ADARB2: variants seen among roughly 807,000 people sequenced by gnomAD.
The protein encoded by ADARB2 is inactive double-stranded RNA-specific editase B2.
ADARB2 carries 25 observed loss-of-function variants against 62.2 expected under a neutral mutation model. The observed-to-expected ratio is 0.40, with a 90% CI of 0.29 to 0.56. The LOEUF (loss-of-function observed/expected upper bound fraction) is 0.56. Among genes scored for constraint, ADARB2 ranks in the 20% least tolerant of loss-of-function variants. The probability of loss-of-function intolerance (pLI) is 0.43; values close to 1 mark genes in which losing one functional copy is unlikely to be tolerated. For missense variants in ADARB2, 1,071 were observed against 1,077.4 expected (o/e 0.99, Z 0.08); for synonymous variants, 572 against 500.8 (o/e 1.14, Z -1.90).
At chr10:1,629,505 G>A (rs564827970) in intron 1 of ADARB2, among the ~76,000 whole-genome samples, 4 of 126,076 alleles carry the variant, frequency 3.2e-5, no homozygotes, top group East Asian at 2.2e-4. Context: ...TCCCCACTGC[G>A]CCCAACACCA....
intron 8 of ADARB2, chr10:1,199,678 A>T (rs989691981): frequency 1.4e-5 from 5 of 348,140 alleles, no homozygotes; most frequent in Non-Finnish European, 2.6e-5. Context: ...CTCTTGGGTG[A>T]GCCCAACACT....
chr10:1,526,212 G>T (rs1832139626), intron 1 of ADARB2, among the ~76,000 whole-genome samples: 1 of 152,020 alleles, frequency 6.6e-6, no homozygotes, highest in African/African-American at 2.4e-5. Flanking sequence ...GATGGCCTGG[G>T]GCAGGTGGGG....
intron 6 of ADARB2, among the ~76,000 whole-genome samples, chr10:1,219,842 GATGGTGATGGTGATGA>G: frequency 8.4e-6 from 1 of 118,558 alleles, no homozygotes; most frequent in South Asian, 2.4e-4. Flanking sequence ...TGGTGATGAT[GATGGTGATGGTGATGA>G]TGATGGTAAT....
At chr10:1,366,508 A>T (rs996167963) in intron 2 of ADARB2, among the ~76,000 whole-genome samples, 1 of 151,990 alleles carries the variant, frequency 6.6e-6, no homozygotes, top group African/African-American at 2.4e-5. Context: ...CAGAACCTGG[A>T]CTTTGCTGCT....
At chr10:1,675,381 G>A (rs543627385) in intron 1 of ADARB2, 2 of 984,476 alleles carry the variant, frequency 2.0e-6, no homozygotes, top group East Asian at 2.3e-4. Context: ...TTGGGTTCAG[G>A]GATGCATGGA....
intron 1 of ADARB2, among the ~76,000 whole-genome samples, chr10:1,705,420 A>C (rs1909434): frequency 4.6e-5 from 7 of 152,002 alleles, no homozygotes; most frequent in South Asian, 2.1e-4. Flanking sequence ...GGGTCACTTG[A>C]TCACAGTGTC....
rs915468494 is a variant in ADARB2 at position 1,267,608 on chromosome 10, CT to C, written c.1192+3346del. ...TGGTAAAGGCACAATCTTCCTCTTTCTTTTTTTTCAATAAGAGAAAAAAGAA... is the reference window on the plus strand; with the variant it reads ...TGGTAAAGGCACAATCTTCCTCTTTCTTTTTTTCAATAAGAGAAAAAAGAA... On this transcript the variant is annotated intron_variant, in intron 4 of 9. Coordinates refer to ENST00000381312, the MANE Select transcript of ADARB2 (RefSeq NM_018702.4). 2.6e-5 allele frequency among the ~76,000 whole-genome samples: 4 copies of C among 152,076 alleles called. No homozygotes were observed. The South Asian group carries it at 6.3e-4, about 24-fold the overall frequency.
intron 1 of ADARB2, among the ~76,000 whole-genome samples, chr10:1,634,394 C>A (rs766724597): frequency 6.6e-6 from 1 of 152,236 alleles, no homozygotes. Context: ...GACCTCAGAA[C>A]TGGCTGTTCT....
At position 1,227,689 on chromosome 10, in the gene ADARB2, A is replaced by G. The variant is rs556683688; in HGVS notation, c.1513+6005T>C. On this transcript the variant is annotated intron_variant, in intron 6 of 9. Transcript: ENST00000381312. ...CCCCTGGGGAGCTAAAGATTTATCTAAAAAGCGATGCATGGTTGCTACCAT... is the reference window on the plus strand; with the variant it reads ...CCCCTGGGGAGCTAAAGATTTATCTGAAAAGCGATGCATGGTTGCTACCAT... Among the ~76,000 whole-genome samples, 54 of 152,354 alleles carry G rather than the reference A, an allele frequency of 3.5e-4. 1 individual carries two copies. Among genetic ancestry groups the G allele is most frequent in the African/African-American group, 1.3e-3 (52 of 41,586 alleles).
rs114108884 is a variant in ADARB2, at chr10:1,328,666, T to C, written c.1077+34362A>G. On this transcript the variant is annotated intron_variant, in intron 3 of 9. Transcript: ENST00000381312. ...AAAAATCCCCCTCCAGAGCTTGGCA[T>C]GTAAAACTTCGATTTCATTTTGCTT... 1.8e-3 allele frequency among the ~76,000 whole-genome samples: 277 copies of C among 152,266 alleles called. 1 individual carries two copies. Among genetic ancestry groups the C allele is most frequent in the African/African-American group, 6.3e-3 (261 of 41,526 alleles).
chr10:1,231,339 A>G (rs1220155472), intron 6 of ADARB2, among the ~76,000 whole-genome samples: 1 of 152,248 alleles, frequency 6.6e-6, no homozygotes, highest in Non-Finnish European at 1.5e-5. Context: ...ACCAGATTTC[A>G]CAAAATTCCC....
chr10:1,624,024 A>G (rs917244491), intron 1 of ADARB2, among the ~76,000 whole-genome samples: 1 of 152,018 alleles, frequency 6.6e-6, no homozygotes, highest in African/African-American at 2.4e-5. Context: ...CTTAAGCCCA[A>G]GAGTTTGAGA....
chr10:1,392,695 G>A (rs1832580448), intron 1 of ADARB2, among the ~76,000 whole-genome samples: 1 of 152,096 alleles, frequency 6.6e-6, no homozygotes, highest in African/African-American at 2.4e-5. Flanking sequence ...AGAGATTCTG[G>A]GTCTGCACTG....
intron 3 of ADARB2, among the ~76,000 whole-genome samples, chr10:1,271,591 A>T (rs1045164050): frequency 6.6e-6 from 1 of 152,064 alleles, no homozygotes; most frequent in African/African-American, 2.4e-5. Flanking sequence ...AACACACAAC[A>T]CACCTAGGGC....
intron 1 of ADARB2, among the ~76,000 whole-genome samples, chr10:1,480,634 C>A (rs939853048): frequency 2.0e-5 from 3 of 147,412 alleles, no homozygotes; most frequent in African/African-American, 5.0e-5. Flanking sequence ...GGAGGCGGAG[C>A]TTGCAGTGAG....
intron 1 of ADARB2, among the ~76,000 whole-genome samples, chr10:1,730,210 G>A (rs1835213923): frequency 6.6e-6 from 1 of 152,174 alleles, no homozygotes; most frequent in Admixed American, 6.5e-5. Context: ...TTGCAAATGA[G>A]TGATCTGTTG....
intron 3 of ADARB2, among the ~76,000 whole-genome samples, chr10:1,284,168 G>A (rs1831392792): frequency 6.6e-6 from 1 of 152,170 alleles, no homozygotes; most frequent in Admixed American, 6.5e-5. Context: ...CATCAGCACA[G>A]AAACAGGCAG....
chr10:1,182,385 C>CA lies in ADARB2; in HGVS notation c.*807_*808insT, dbSNP rs1564212843. ...CCCCACATCTGCAGCACGCGTGGGC[C>CA]GGGTGTTTCCAGACTCCCCACATCT... is the stretch of plus-strand genomic sequence containing the variant. On this transcript the variant is annotated 3_prime_UTR_variant, in exon 10 of 10. Coordinates refer to ENST00000381312, the MANE Select transcript of ADARB2 (RefSeq NM_018702.4). 2.6e-4 allele frequency: 40 copies of CA among 153,882 alleles called. No individual in the cohort carries two copies. Among genetic ancestry groups the CA allele is most frequent in the African/African-American group, 9.7e-4 (40 of 41,322 alleles). The allele number at this position is 153,882 out of a possible 1,614,324, so 9.5% of individuals were successfully genotyped here.
intron 1 of ADARB2, among the ~76,000 whole-genome samples, chr10:1,420,262 T>C (rs9787568): frequency 0.13 from 20,373 of 152,214 alleles, 2,162 homozygotes; most frequent in East Asian, 0.5. Flanking sequence ...ATTTTCATGT[T>C]TGAGCAGTTA....
Sources: gnomAD v4.1 joint callset for allele counts (sites outside exome capture counted in the v4.1 genomes callset) on GRCh38, gnomAD v4.1.1 for gene constraint, MANE v1.5 for transcripts, NCBI Gene and HGNC (gene_info 2026-07-23, HGNC 2026-07-21) for gene names.